The following HS6ST3 variants were observed in gnomAD, a reference collection of about 807,000 sequenced individuals.
HS6ST3 encodes heparan sulfate 6-O-sulfotransferase 3.
In HS6ST3, 12 loss-of-function variants were observed where a neutral mutation model predicts 36.7. The observed-to-expected ratio is 0.33, with a 90% CI of 0.21 to 0.53. The LOEUF (loss-of-function observed/expected upper bound fraction) is 0.53. Ranked by LOEUF, HS6ST3 falls within the 20% of genes least tolerant of loss-of-function variation. HS6ST3 has a pLI of 0.95. For synonymous variants in HS6ST3, 240 were observed against 257.5 expected, an observed-to-expected ratio of 0.93 and a Z score of 0.65; for missense variants, 584 against 640.9, an observed-to-expected ratio of 0.91 and a Z score of 0.96.
At chr13:96,626,842 A>T (rs1763703) in intron 1 of HS6ST3, among the ~76,000 whole-genome samples, 141,926 of 151,580 alleles carry the variant, frequency 0.94, 66,544 homozygotes, top group South Asian at 0.98. Flanking sequence ...TATTTTTTTT[A>T]AAAAAATACA....
intron 1 of HS6ST3, among the ~76,000 whole-genome samples, chr13:96,606,859 A>G (rs1279486837): frequency 6.6e-6 from 1 of 152,228 alleles, no homozygotes; most frequent in Non-Finnish European, 1.5e-5. Context: ...CATGTAACAG[A>G]TAAATATCTT....
intron 1 of HS6ST3, among the ~76,000 whole-genome samples, chr13:96,584,093 TGC>T (rs2056352275): frequency 6.6e-6 from 1 of 152,178 alleles, no homozygotes; most frequent in Non-Finnish European, 1.5e-5. Context: ...TATGACTATC[TGC>T]ATTCATTCTA....
At chr13:96,688,085 G>A (rs1874836211) in intron 1 of HS6ST3, among the ~76,000 whole-genome samples, 1 of 150,984 alleles carries the variant, frequency 6.6e-6, no homozygotes, top group South Asian at 2.1e-4. Flanking sequence ...ATGGGGGGGG[G>A]GGAGGGATAG....
rs1352458075 is a variant in HS6ST3, at chr13:96,598,767, T to A, written c.708-233723T>A. Reference sequence around the variant, plus strand: ...GTCTTGCTCCAGTTCTTAAGGGCAATGCTTTCAAGTTCTCCCAATTCAGTA... The same window carrying A: ...GTCTTGCTCCAGTTCTTAAGGGCAAAGCTTTCAAGTTCTCCCAATTCAGTA... On this transcript the variant is annotated intron_variant, in intron 1 of 1. Coordinates refer to ENST00000376705, the MANE Select transcript of HS6ST3 (RefSeq NM_153456.4). Among the ~76,000 whole-genome samples, 3 of 152,280 alleles carry A rather than the reference T, an allele frequency of 2.0e-5. No homozygotes were observed. In the East Asian group the frequency reaches 5.8e-4, roughly 29 times the overall value.
chr13:96,107,722 A>C (rs571100578), intron 1 of HS6ST3, among the ~76,000 whole-genome samples: 1 of 152,336 alleles, frequency 6.6e-6, no homozygotes, highest in South Asian at 2.1e-4. Flanking sequence ...GACATTTATT[A>C]GTTCCCCAAA....
At chr13:96,715,221 G>A (rs1482203104) in intron 1 of HS6ST3, among the ~76,000 whole-genome samples, 3 of 151,784 alleles carry the variant, frequency 2.0e-5, no homozygotes, top group South Asian at 4.1e-4. Context: ...GTTACTTAAA[G>A]TAAAAAAGAA....
chr13:96,761,296 G>A (rs561205390), intron 1 of HS6ST3, among the ~76,000 whole-genome samples: 8 of 151,912 alleles, frequency 5.3e-5, no homozygotes, highest in South Asian at 2.1e-4. Context: ...ATTAACTATC[G>A]TGATGATTTT....
At chr13:96,464,247 A>G (rs1034295536) in intron 1 of HS6ST3, among the ~76,000 whole-genome samples, 2 of 149,978 alleles carry the variant, frequency 1.3e-5, no homozygotes, top group Non-Finnish European at 3.0e-5. Flanking sequence ...TTACCCCCCT[A>G]CCCAGTTCCT....
intron 1 of HS6ST3, among the ~76,000 whole-genome samples, chr13:96,653,645 T>A (rs922529599): frequency 6.6e-6 from 1 of 152,228 alleles, no homozygotes; most frequent in Non-Finnish European, 1.5e-5. Context: ...GTCTTGTTAT[T>A]GTAAACAGTG....
chr13:96,740,629 A>G (rs1876414327), intron 1 of HS6ST3, among the ~76,000 whole-genome samples: 1 of 152,104 alleles, frequency 6.6e-6, no homozygotes, highest in Admixed American at 6.6e-5. Context: ...TGCTAGTGAT[A>G]TGGTAATTTA....
rs956580336 is a variant in HS6ST3, at chr13:96,090,459, G to A, written c.-404G>A. The stretch of plus-strand genomic sequence containing the variant: ...CGGCGCTCGCGGCCGCAGCTACCCG[G>A]CTGCCCGGCTGCGCGCGGCAGGTCC... On this transcript the variant is annotated 5_prime_UTR_variant, in exon 1 of 2. Coordinates refer to ENST00000376705, the MANE Select transcript of HS6ST3 (RefSeq NM_153456.4). Among the ~76,000 whole-genome samples the A allele has an allele frequency of 4.8e-5, 7 of 146,432 alleles. No homozygotes were observed. The highest frequency in any genetic ancestry group is 3.4e-4 in the Admixed American group (5 of 14,740).
chr13:96,710,341 G>A (rs932255599), intron 1 of HS6ST3, among the ~76,000 whole-genome samples: 2 of 152,202 alleles, frequency 1.3e-5, no homozygotes, highest in East Asian at 3.9e-4. Context: ...GCAGAGCTCT[G>A]CCTGCAGGCA....
intron 1 of HS6ST3, among the ~76,000 whole-genome samples, chr13:96,357,585 A>G (rs2139434137): frequency 6.6e-6 from 1 of 152,108 alleles, no homozygotes; most frequent in Middle Eastern, 3.4e-3. Context: ...TTTATTTAAG[A>G]CAGGTCTTGC....
chr13:96,795,682 T>C (rs1203521535), intron 1 of HS6ST3, among the ~76,000 whole-genome samples: 1 of 152,098 alleles, frequency 6.6e-6, no homozygotes, highest in Non-Finnish European at 1.5e-5. Context: ...TTTTTGCAAA[T>C]TACTTCCAGG....
chr13:96,690,409 A>G (rs929975435), intron 1 of HS6ST3, among the ~76,000 whole-genome samples: 3 of 152,120 alleles, frequency 2.0e-5, no homozygotes, highest in Non-Finnish European at 2.9e-5. Context: ...AAGCTTTTCT[A>G]GACACTATTG....
At chr13:96,133,427 A>G (rs974211739) in intron 1 of HS6ST3, among the ~76,000 whole-genome samples, 2 of 146,024 alleles carry the variant, frequency 1.4e-5, no homozygotes, top group Admixed American at 6.9e-5. Flanking sequence ...CACCTGACCT[A>G]TTATCTTTTT....
At chr13:96,187,159 T>C (rs188099981) in intron 1 of HS6ST3, among the ~76,000 whole-genome samples, 1 of 152,228 alleles carries the variant, frequency 6.6e-6, no homozygotes, top group Non-Finnish European at 1.5e-5. Flanking sequence ...AGAACACTCT[T>C]TGAGTCTGGG....
intron 1 of HS6ST3, among the ~76,000 whole-genome samples, chr13:96,315,046 A>C (rs562093983): frequency 6.6e-6 from 1 of 152,290 alleles, no homozygotes; most frequent in East Asian, 1.9e-4. Flanking sequence ...ACCTTACCTA[A>C]ATGTTTTTGA....
intron 1 of HS6ST3, among the ~76,000 whole-genome samples, chr13:96,364,343 A>C (rs527964884): frequency 6.6e-6 from 1 of 152,280 alleles, no homozygotes; most frequent in East Asian, 1.9e-4. Flanking sequence ...AGGTGAAAAC[A>C]CTCTAAATGT....
Sources: gnomAD v4.1 joint callset for allele counts (sites outside exome capture counted in the v4.1 genomes callset) on GRCh38, gnomAD v4.1.1 for gene constraint, MANE v1.5 for transcripts, NCBI Gene and HGNC (gene_info 2026-07-23, HGNC 2026-07-21) for gene names.